Variants in SPPL3 observed in about 807,000 individuals in gnomAD.
SPPL3 encodes signal peptide peptidase like 3.
A neutral mutation model predicts 42.4 loss-of-function variants in SPPL3; 5 were observed. That is an observed-to-expected ratio of 0.12 (90% CI 0.06 to 0.25). The LOEUF (loss-of-function observed/expected upper bound fraction) is 0.25. Among genes scored for constraint, SPPL3 ranks in the 10% least tolerant of loss-of-function variants. The pLI is 1.00. For missense variants in SPPL3, 235 were observed against 489.0 expected, an observed-to-expected ratio of 0.48 and a Z score of 4.90; for synonymous variants, 195 against 181.8, an observed-to-expected ratio of 1.07 and a Z score of -0.58.
chr12:120,789,824 C>CAAAAAAAAAAAAAAAAAAAAAAAAAA, intron 3 of SPPL3, among the ~76,000 whole-genome samples: 1 of 30,462 alleles, frequency 3.3e-5, no homozygotes, highest in Non-Finnish European at 6.3e-5. Flanking sequence ...GACTCCGTCT[C>CAAAAAAAAAAAAAAAAAAAAAAAAAA]AAAAAAAAAA....
chr12:120,821,810 C>T (rs935431981), intron 1 of SPPL3, among the ~76,000 whole-genome samples: 11 of 152,180 alleles, frequency 7.2e-5, no homozygotes, highest in South Asian at 2.1e-4. Flanking sequence ...ATGGCTGGGC[C>T]GTGAATAATG....
chr12:120,878,867 A>G (rs1362744302), intron 1 of SPPL3, among the ~76,000 whole-genome samples: 4 of 152,066 alleles, frequency 2.6e-5, no homozygotes, highest in African/African-American at 7.2e-5. Context: ...TAATCCCAGC[A>G]CTTTGGGAGG....
At chr12:120,773,875 A>T (rs1401411645) in intron 6 of SPPL3, among the ~76,000 whole-genome samples, 1 of 152,210 alleles carries the variant, frequency 6.6e-6, no homozygotes, top group Non-Finnish European at 1.5e-5. Flanking sequence ...AAGTGCTGGG[A>T]TTACAGGCAT....
Position 120,904,184 on chromosome 12 carries a change from G to A in SPPL3, c.-317C>T. On this transcript the variant is annotated 5_prime_UTR_variant, in exon 1 of 11. Transcript: ENST00000353487. ...CGGCGCGGAGAACAAGGGGGCCCTG[G>A]GGCGGGCGAACGGCAAGACGGGCCC... is the stretch of plus-strand genomic sequence containing the variant. 1 of 262,832 alleles carries A rather than the reference G, an allele frequency of 3.8e-6. No individual in the cohort carries two copies. The highest frequency in any genetic ancestry group is 7.1e-6 in the Non-Finnish European group (1 of 140,884). 16.3% of individuals were successfully genotyped at this position (262,832 alleles called of 1,614,324 possible). A position where few individuals can be genotyped will look rare whatever the true frequency, so the allele number is the denominator to read the frequency against.
At chr12:120,812,200 T>C (rs1870708213) in intron 1 of SPPL3, among the ~76,000 whole-genome samples, 1 of 151,730 alleles carries the variant, frequency 6.6e-6, no homozygotes, top group Admixed American at 6.6e-5. Flanking sequence ...AGTGGCATGA[T>C]CTTGTTTCAC....
chr12:120,775,762 C>A (rs1370209837), intron 6 of SPPL3, among the ~76,000 whole-genome samples: 1 of 152,134 alleles, frequency 6.6e-6, no homozygotes, highest in Non-Finnish European at 1.5e-5. Flanking sequence ...GATAAAACAG[C>A]CCTAGACTTC....
chr12:120,845,250 A>G (rs1339764127), intron 1 of SPPL3: 3 of 382,864 alleles, frequency 7.8e-6, no homozygotes, highest in Non-Finnish European at 1.6e-5. Context: ...TCCCTGCTGC[A>G]TTCACGGCAT....
At position 120,764,727 on chromosome 12, in the gene SPPL3, C is replaced by A; in HGVS notation, c.*272G>T. 1 of 429,844 alleles carries A rather than the reference C, an allele frequency of 2.3e-6. No homozygotes were observed. The highest frequency in any genetic ancestry group is 4.1e-6 in the Non-Finnish European group (1 of 244,144). The allele number at this position is 429,844 out of a possible 1,614,324, so 26.6% of individuals were successfully genotyped here. On this transcript the variant is annotated 3_prime_UTR_variant, in exon 11 of 11. Transcript: ENST00000353487. ...CAGAAGGTAACAGTCTGGTGCAGAT[C>A]CATAAAAACGTGGGAGGAAGGCGCG...
intron 1 of SPPL3, among the ~76,000 whole-genome samples, chr12:120,887,732 C>T (rs1002103364): frequency 2.4e-4 from 36 of 152,294 alleles, no homozygotes; most frequent in Admixed American, 3.3e-4. Context: ...AACAATCAGA[C>T]CTAACATTTT....
intron 1 of SPPL3, among the ~76,000 whole-genome samples, chr12:120,826,439 T>C (rs1376972928): frequency 1.3e-5 from 2 of 152,096 alleles, no homozygotes; most frequent in Admixed American, 6.6e-5. Context: ...CACTCATGTA[T>C]GTGGCAGAGA....
intron 2 of SPPL3, among the ~76,000 whole-genome samples, chr12:120,792,891 C>A (rs2136987253): frequency 6.6e-6 from 1 of 151,994 alleles, no homozygotes. Flanking sequence ...TCTCTGTGAC[C>A]TTGGATTTGG....
intron 1 of SPPL3, among the ~76,000 whole-genome samples, chr12:120,902,556 T>C (rs1274396611): frequency 1.3e-5 from 2 of 152,136 alleles, no homozygotes; most frequent in African/African-American, 4.8e-5. Context: ...TTCCCTCTAT[T>C]TTATAGGTAA....
At chr12:120,878,932 G>A (rs1593008384) in intron 1 of SPPL3, among the ~76,000 whole-genome samples, 1 of 151,742 alleles carries the variant, frequency 6.6e-6, no homozygotes, top group Non-Finnish European at 1.5e-5. Flanking sequence ...CGACCAACAT[G>A]GAGAAACCCC....
chr12:120,876,627 A>AAAAAAAAAG (rs1873101712), intron 1 of SPPL3, among the ~76,000 whole-genome samples: 1 of 150,532 alleles, frequency 6.6e-6, no homozygotes, highest in Non-Finnish European at 1.5e-5. Context: ...AAAAAAAAAA[A>AAAAAAAAAG]AAAAAAAAAG....
intron 6 of SPPL3, among the ~76,000 whole-genome samples, chr12:120,782,304 A>T (rs1469279295): frequency 6.6e-6 from 1 of 152,268 alleles, no homozygotes; most frequent in Non-Finnish European, 1.5e-5. Context: ...ATACAATGGA[A>T]CAGTATTCAG....
intron 1 of SPPL3, among the ~76,000 whole-genome samples, chr12:120,840,815 C>T (rs1871798610): frequency 6.6e-6 from 1 of 151,874 alleles, no homozygotes; most frequent in African/African-American, 2.4e-5. Flanking sequence ...GCCTGGGCAA[C>T]AGAGTGAGAC....
intron 1 of SPPL3, among the ~76,000 whole-genome samples, chr12:120,888,421 T>C (rs1873531327): frequency 6.6e-6 from 1 of 152,126 alleles, no homozygotes; most frequent in Admixed American, 6.5e-5. Flanking sequence ...CCCAAATGCC[T>C]GTCAACTAAT....
At chr12:120,830,515 AG>A (rs1229853062) in intron 1 of SPPL3, among the ~76,000 whole-genome samples, 1 of 2,468 alleles carries the variant, frequency 4.1e-4, no homozygotes, top group African/African-American at 1.7e-3. Context: ...GGGGAGGGGG[AG>A]GGGTGGGGAG....
At chr12:120,828,161 A>G (rs1482307504) in intron 1 of SPPL3, among the ~76,000 whole-genome samples, 3 of 152,188 alleles carry the variant, frequency 2.0e-5, no homozygotes, top group African/African-American at 7.2e-5. Flanking sequence ...ATTAGAAATC[A>G]CCCAAAGGAA....
Sources: allele counts gnomAD v4.1 joint callset (sites outside exome capture counted in the v4.1 genomes callset), GRCh38; gene constraint gnomAD v4.1.1; transcripts MANE v1.5; gene names NCBI Gene and HGNC (gene_info 2026-07-23, HGNC 2026-07-21).